AKAP9: variants seen among roughly 807,000 people sequenced by gnomAD.
AKAP9 encodes the protein A-kinase anchoring protein 9, also known as A-kinase anchor protein 9.
Under a neutral mutation model 488.5 loss-of-function variants are expected in AKAP9, and 311 were observed. That is an observed-to-expected ratio of 0.64 (90% CI 0.58 to 0.70). The LOEUF (loss-of-function observed/expected upper bound fraction) is 0.70. Among genes scored for constraint, AKAP9 ranks in the 30% least tolerant of loss-of-function variants. AKAP9 has a pLI of 0.00. For synonymous variants in AKAP9, 1,462 were observed against 1,483.5 expected, an observed-to-expected ratio of 0.99 and a Z score of 0.33; for missense variants, 4,215 against 4,374.5, an observed-to-expected ratio of 0.96 and a Z score of 1.03.
rs1201234334 is a variant in AKAP9, at chr7:92,079,532, G to A, written c.7399G>A (p.Val2467Ile). The change falls in exon 31 of 50, where the codon GTA becomes ATA. Residue 2467 changes from valine to isoleucine, a missense_variant. Around this residue, in one of 5 missense-constraint regions of AKAP9, gnomAD observed 1,476 missense variants for 1,477.4 expected, o/e 1.00. Transcript: ENST00000356239. ...HLSKDKPELE[V>I]VLTEDALKSL... ...GAGCAAAGACAAACCTGAACTAGAA[G>A]TAGTCCTTACAGAGGATGCTCTTAA... is the stretch of plus-strand genomic sequence containing the variant. The A allele has an allele frequency of 1.9e-6, 3 of 1,613,830 alleles. No individual in the cohort carries two copies. The highest frequency in any genetic ancestry group is 2.2e-5 in the East Asian group (1 of 44,856).
chr7:92,061,767 A>G (rs530255725), intron 23 of AKAP9, among the ~76,000 whole-genome samples: 2 of 151,996 alleles, frequency 1.3e-5, no homozygotes, highest in African/African-American at 2.4e-5. Flanking sequence ...AAAAGATGTT[A>G]TTAAATTGTT....
Position 92,012,455 on chromosome 7 carries a change from C to G in AKAP9, c.3345C>G (p.Ala1115=), listed in dbSNP as rs749254312. The change falls in exon 9 of 50, where the codon GCC becomes GCG. Residue 1115 remains alanine (A), a synonymous_variant. Transcript: ENST00000356239. ...ATGATTTAAGGCTACAGATGGAAGCCCAACGCATTTGCCTCTCTCTGGTTT... is the reference window on the plus strand; with the variant it reads ...ATGATTTAAGGCTACAGATGGAAGCGCAACGCATTTGCCTCTCTCTGGTTT... ...EQNDLRLQME[A]QRICLSLVYS... is the part of the protein sequence containing the mutation. 79 of 1,613,810 alleles carry G rather than the reference C, an allele frequency of 4.9e-5. No individual in the cohort carries two copies. Among genetic ancestry groups the G allele is most frequent in the Non-Finnish European group, 6.5e-5 (77 of 1,179,942 alleles).
At chr7:92,015,366 AT>A (rs11345067) in intron 10 of AKAP9, among the ~76,000 whole-genome samples, 53,515 of 137,708 alleles carry the variant, frequency 0.39, 9,554 homozygotes, top group African/African-American at 0.44. Context: ...TGTGTTAGGA[AT>A]TTTTTTTTTT....
intron 40 of AKAP9, among the ~76,000 whole-genome samples, chr7:92,095,417 A>C (rs1340191652): frequency 2.0e-5 from 3 of 152,194 alleles, no homozygotes; most frequent in African/African-American, 4.8e-5. Flanking sequence ...CTCTGCTGCA[A>C]CATGTTTTGG....
intron 43 of AKAP9, among the ~76,000 whole-genome samples, chr7:92,098,623 A>G (rs938114363): frequency 4.8e-5 from 7 of 145,904 alleles, no homozygotes; most frequent in African/African-American, 7.6e-5. Context: ...TTTTCTTAAA[A>G]CCCTCTCTTT....
Position 92,078,905 on chromosome 7 carries a change from T to C in AKAP9, c.6946-174T>C, listed in dbSNP as rs41371748. ...CTTAACAGAACTTTCTGAGCCTTGTTTGATATGATGGGGGAGATATTGGTC... is the reference window on the plus strand; with the variant it reads ...CTTAACAGAACTTTCTGAGCCTTGTCTGATATGATGGGGGAGATATTGGTC... On this transcript the variant is annotated intron_variant, in intron 30 of 49. Transcript: ENST00000356239. 0.27 allele frequency among the ~76,000 whole-genome samples: 41,152 copies of C among 152,028 alleles called. 6,997 individuals are homozygous for C. The highest frequency in any genetic ancestry group is 0.37 in the Non-Finnish European group (25,440 of 67,952).
intron 3 of AKAP9, among the ~76,000 whole-genome samples, chr7:91,991,173 C>T (rs1051526014): frequency 2.6e-5 from 4 of 152,194 alleles, no homozygotes; most frequent in Non-Finnish European, 5.9e-5. Context: ...TTTCGTTACA[C>T]TGATAGGCTA....
chr7:92,029,998 TATTTTTA>T lies in AKAP9; in HGVS notation c.4245+15_4245+21del, dbSNP rs1227287363. 6.4e-7 allele frequency: 1 copy of T among 1,572,828 alleles called. No individual in the cohort carries two copies. The highest frequency in any genetic ancestry group is 8.7e-7 in the Non-Finnish European group (1 of 1,145,268). On this transcript the variant is annotated splice_region_variant and intron_variant, in intron 15 of 49. Transcript: ENST00000356239. ...TATTGATGGTACAATAGAGGTATTATATTTTTAATTTTTATCTTTTAACTGTTATATA... is the reference window on the plus strand; with the variant it reads ...TATTGATGGTACAATAGAGGTATTATATTTTTATCTTTTAACTGTTATATA...
At chr7:92,058,162 T>C (rs1809125347) in intron 22 of AKAP9, 1 of 585,324 alleles carries the variant, frequency 1.7e-6, no homozygotes, top group South Asian at 1.4e-5. Flanking sequence ...CAGCTGTATC[T>C]TCTGGGATGG....
At chr7:92,058,257 C>T (rs1379782234) in intron 22 of AKAP9, 1 of 587,946 alleles carries the variant, frequency 1.7e-6, no homozygotes. Context: ...GAGGTTGAAT[C>T]TCGCGTGCCT....
At chr7:91,949,839 A>G (rs1188260905) in intron 1 of AKAP9, among the ~76,000 whole-genome samples, 1 of 152,142 alleles carries the variant, frequency 6.6e-6, no homozygotes, top group Non-Finnish European at 1.5e-5. Context: ...CTCCTTGTTC[A>G]CTAACAATGT....
intron 10 of AKAP9, among the ~76,000 whole-genome samples, chr7:92,015,239 A>G (rs7805077): frequency 0.41 from 62,891 of 152,010 alleles, 13,466 homozygotes; most frequent in African/African-American, 0.51. Flanking sequence ...TGATAATGGG[A>G]CATGTATTGT....
chr7:92,065,505 T>C (rs1285899906), intron 25 of AKAP9, 42 bp downstream of exon 25: 3 of 1,387,636 alleles, frequency 2.2e-6, no homozygotes, highest in Non-Finnish European at 3.0e-6. Context: ...CTCAGTGGAA[T>C]GTTCTTTGCT....
rs775305409 is a variant in AKAP9, at chr7:92,107,436, A to C, written c.11546+14A>C. On this transcript the variant is annotated intron_variant, in intron 48 of 49. Transcript: ENST00000356239. ...ATTTCAGAATAGGTAAGAATATGAG[A>C]AAACCTGCCTGGAATTGTTAAATGT... The C allele has an allele frequency of 1.2e-6, 2 of 1,612,062 alleles. No individual in the cohort carries two copies. Among genetic ancestry groups the C allele is most frequent in the African/African-American group, 2.7e-5 (2 of 74,880 alleles).
At chr7:92,081,493 A>ATTTT (rs202196637) in intron 31 of AKAP9, among the ~76,000 whole-genome samples, 117 of 121,446 alleles carry the variant, frequency 9.6e-4, no homozygotes, top group Non-Finnish European at 1.4e-3. Context: ...ATATATATAT[A>ATTTT]TATATTTTTT....
chr7:92,040,080 G>A (rs1055938387), intron 17 of AKAP9, among the ~76,000 whole-genome samples: 45 of 152,198 alleles, frequency 3.0e-4, no homozygotes, highest in African/African-American at 9.9e-4. Context: ...AAAATTATTT[G>A]TATAAGTAAC....
At chr7:92,101,637 G>C (rs760748771) in intron 45 of AKAP9, among the ~76,000 whole-genome samples, 1 of 152,138 alleles carries the variant, frequency 6.6e-6, no homozygotes, top group Non-Finnish European at 1.5e-5. Context: ...TAGACCAAAA[G>C]AATGGTATCT....
chr7:91,941,517 G>T (rs946011159), intron 1 of AKAP9, among the ~76,000 whole-genome samples: 1 of 152,076 alleles, frequency 6.6e-6, no homozygotes, highest in Admixed American at 6.5e-5. Flanking sequence ...GCTTTCCAGG[G>T]TGGGGATTTA....
intron 44 of AKAP9, among the ~76,000 whole-genome samples, chr7:92,100,364 A>G (rs530441048): frequency 1.7e-4 from 26 of 152,242 alleles, no homozygotes; most frequent in Non-Finnish European, 3.2e-4. Flanking sequence ...CCATTTAAAA[A>G]CAGGTATAAA....
Sources: allele counts gnomAD v4.1 joint callset (sites outside exome capture counted in the v4.1 genomes callset), GRCh38; gene constraint gnomAD v4.1.1; regional missense constraint gnomAD v4.1.1; transcripts MANE v1.5; gene names NCBI Gene and HGNC (gene_info 2026-07-23, HGNC 2026-07-21).